UBAC1: variants seen among roughly 807,000 people sequenced by gnomAD.
UBAC1 encodes ubiquitin-associated domain-containing protein 1.
In UBAC1, 27 loss-of-function variants were observed where a neutral mutation model predicts 45.9. That is an observed-to-expected ratio of 0.59 (90% CI 0.43 to 0.81). UBAC1 has a LOEUF of 0.81. Ranked by LOEUF, UBAC1 falls within the 30% of genes least tolerant of loss-of-function variation. The probability of loss-of-function intolerance (pLI) is 0.00; values close to 1 mark genes in which losing one functional copy is unlikely to be tolerated. For missense variants in UBAC1, 529 were observed against 539.2 expected (o/e 0.98, Z 0.19); for synonymous variants, 227 against 215.5 (o/e 1.05, Z -0.47).
At chr9:135,939,786 G>T in intron 7 of UBAC1, 27 bp from the exon 8 acceptor site, 3 of 1,598,162 alleles carry the variant, frequency 1.9e-6, no homozygotes, top group South Asian at 1.1e-5. Context: ...CCGTTAGCTC[G>T]CTGGGGGCGG....
chr9:135,960,668 T>G (rs1221461518), intron 1 of UBAC1, among the ~76,000 whole-genome samples: 1 of 151,682 alleles, frequency 6.6e-6, no homozygotes, highest in Admixed American at 6.6e-5. Context: ...GCGACTTCAC[T>G]CTCCAGGCCT....
At chr9:135,939,297 T>A (rs575512305) in intron 8 of UBAC1, among the ~76,000 whole-genome samples, 1 of 152,276 alleles carries the variant, frequency 6.6e-6, no homozygotes, top group Admixed American at 6.5e-5. Context: ...TCCGTATTTT[T>A]AAATTTTTAT....
At chr9:135,938,467 T>A (rs567286034) in intron 8 of UBAC1, 107 bp from the exon 9 acceptor site, 1 of 1,428,182 alleles carries the variant, frequency 7.0e-7, no homozygotes, top group East Asian at 2.4e-5. Flanking sequence ...GAGTTCCTGT[T>A]GAGCCCCCAG....
intron 1 of UBAC1, among the ~76,000 whole-genome samples, chr9:135,959,167 G>A (rs1428104050): frequency 1.3e-5 from 2 of 152,126 alleles, no homozygotes; most frequent in Admixed American, 6.5e-5. Flanking sequence ...TAAATGCCGT[G>A]CCAACGCAGG....
intron 3 of UBAC1, among the ~76,000 whole-genome samples, chr9:135,950,829 C>G (rs1839398460): frequency 1.3e-5 from 2 of 152,270 alleles, no homozygotes; most frequent in East Asian, 1.9e-4. Context: ...CATGGTGGTT[C>G]ACGCCTGTAA....
chr9:135,933,395 G>A lies in UBAC1; in HGVS notation c.*5C>T, dbSNP rs537174908. ...TGGCCTGATAGCCGAGTGGAACAACGCCACCTACGTGCGATTTAGTGTCTG... is the reference window on the plus strand; with the variant it reads ...TGGCCTGATAGCCGAGTGGAACAACACCACCTACGTGCGATTTAGTGTCTG... On this transcript the variant is annotated 3_prime_UTR_variant, in exon 10 of 10. Transcript: ENST00000371756. The A allele has an allele frequency of 5.6e-6, 9 of 1,612,748 alleles. No homozygotes were observed. The highest frequency in any genetic ancestry group is 2.2e-5 in the East Asian group (1 of 44,866).
intron 1 of UBAC1, among the ~76,000 whole-genome samples, chr9:135,958,482 C>T (rs1839493925): frequency 6.6e-6 from 1 of 152,140 alleles, no homozygotes; most frequent in Admixed American, 6.5e-5. Context: ...AAGGGAAAGG[C>T]AAAAGCAAGA....
At chr9:135,949,549 G>C (rs189155406) in intron 3 of UBAC1, among the ~76,000 whole-genome samples, 1 of 152,326 alleles carries the variant, frequency 6.6e-6, no homozygotes, top group East Asian at 1.9e-4. Flanking sequence ...GGGAGGAGCG[G>C]CTCAGAGCTG....
chr9:135,933,557 C>G (rs376726563), intron 9 of UBAC1, 42 bp from the exon 10 acceptor site: 2 of 1,477,302 alleles, frequency 1.4e-6, no homozygotes, highest in Non-Finnish European at 1.9e-6. Flanking sequence ...CACGCCCCCA[C>G]TCAGCCCACA....
chr9:135,940,847 C>T (rs1211602384), intron 7 of UBAC1, among the ~76,000 whole-genome samples: 4 of 152,136 alleles, frequency 2.6e-5, no homozygotes, highest in Non-Finnish European at 5.9e-5. Context: ...AGGTCAGATC[C>T]CACTCTCTTG....
chr9:135,935,020 C>T (rs546692081), intron 9 of UBAC1, among the ~76,000 whole-genome samples: 7 of 152,260 alleles, frequency 4.6e-5, no homozygotes, highest in African/African-American at 1.7e-4. Flanking sequence ...GCAGGGACTA[C>T]AGGTACGTGT....
At chr9:135,939,539 C>T in intron 8 of UBAC1, 134 bp downstream of exon 8, 1 of 813,486 alleles carries the variant, frequency 1.2e-6, no homozygotes, top group South Asian at 1.7e-5. Context: ...CCCCCACTCA[C>T]TCACCACAGC....
intron 7 of UBAC1, among the ~76,000 whole-genome samples, chr9:135,944,201 G>A (rs1361117212): frequency 3.3e-5 from 5 of 152,190 alleles, no homozygotes; most frequent in Non-Finnish European, 5.9e-5. Flanking sequence ...CCTGAGCTGC[G>A]AAGCCGGGGG....
chr9:135,947,816 G>T lies in UBAC1; in HGVS notation c.423C>A (p.Val141=). ...LPSYNMDRAA[V]QTNMRDFQTE... is the part of the protein sequence containing the mutation. Reference sequence around the variant, plus strand: ...CACTCACGTCTCTCATGTTGGTCTGGACCGCGGCCCGGTCCATGTTGTAGG... The same window carrying T: ...CACTCACGTCTCTCATGTTGGTCTGTACCGCGGCCCGGTCCATGTTGTAGG... Residue 141 remains valine, a synonymous_variant, in exon 4 of 10, where the codon GTC becomes GTA. Coordinates refer to ENST00000371756, the MANE Select transcript of UBAC1 (RefSeq NM_016172.3). 1 of 1,613,958 alleles carries T rather than the reference G, an allele frequency of 6.2e-7. No homozygotes were observed. The highest frequency in any genetic ancestry group is 8.5e-7 in the Non-Finnish European group (1 of 1,179,956).
chr9:135,943,141 C>T (rs1286737138), intron 7 of UBAC1, among the ~76,000 whole-genome samples: 1 of 152,144 alleles, frequency 6.6e-6, no homozygotes, highest in Non-Finnish European at 1.5e-5. Flanking sequence ...GACAGTTGGC[C>T]GGGCGCAGTG....
At chr9:135,935,488 C>A (rs868414728) in intron 9 of UBAC1, among the ~76,000 whole-genome samples, 68 of 151,816 alleles carry the variant, frequency 4.5e-4, no homozygotes, top group African/African-American at 1.4e-3. Flanking sequence ...TCAACAACAA[C>A]AAAAAAAATA....
At chr9:135,952,589 G>A (rs146185875) in intron 3 of UBAC1, among the ~76,000 whole-genome samples, 1 of 152,350 alleles carries the variant, frequency 6.6e-6, no homozygotes, top group African/African-American at 2.4e-5. Context: ...TGCAGACCAT[G>A]AATCAATAAC....
chr9:135,961,024 C>G lies in UBAC1; in HGVS notation c.138+1G>C. On this transcript the variant is annotated splice_donor_variant, in intron 1 of 9. Transcript: ENST00000371756. LOFTEE classifies it high-confidence loss of function. ...GGGCAGGGGAGGGGGCCCGGCCTTA[C>G]GTGCTTGAGGCAGCGCTCCTTGAGC... 1.3e-6 allele frequency: 2 copies of G among 1,555,498 alleles called. No homozygotes were observed. Among genetic ancestry groups the G allele is most frequent in the East Asian group, 2.6e-5 (1 of 39,024 alleles).
intron 3 of UBAC1, among the ~76,000 whole-genome samples, chr9:135,949,692 A>T (rs1237351468): frequency 2.0e-5 from 3 of 152,234 alleles, no homozygotes; most frequent in African/African-American, 7.2e-5. Context: ...CGAGAAGAAC[A>T]AGACACCTGG....
Sources: gnomAD v4.1 joint callset for allele counts (sites outside exome capture counted in the v4.1 genomes callset) on GRCh38, gnomAD v4.1.1 for gene constraint, MANE v1.5 for transcripts, NCBI Gene and HGNC (gene_info 2026-07-23, HGNC 2026-07-21) for gene names.